Variants in RB1 observed in about 807,000 individuals in gnomAD.
RB1 encodes the protein retinoblastoma-associated protein.
In RB1, 18 loss-of-function variants were observed where a neutral mutation model predicts 135.4. That is an observed-to-expected ratio of 0.13 (90% confidence interval 0.09 to 0.20). The LOEUF (loss-of-function observed/expected upper bound fraction) is 0.20. Among genes scored for constraint, RB1 ranks in the 10% least tolerant of loss-of-function variants. The pLI, the probability that RB1 is intolerant of heterozygous loss-of-function variation, is 1.00. For synonymous variants in RB1, 365 were observed against 373.2 expected (o/e 0.98, Z 0.25); for missense variants, 868 against 1,110.0 (o/e 0.78, Z 3.10).
At chr13:48,377,081 T>C (rs1357653849) in intron 13 of RB1, 47 bp downstream of exon 13, 3 of 1,552,846 alleles carry the variant, frequency 1.9e-6, no homozygotes, top group Non-Finnish European at 2.7e-6. Context: ...GTAATAATAT[T>C]AAAAGCAGCA....
At chr13:48,385,213 G>A (rs1274415018) in intron 17 of RB1, among the ~76,000 whole-genome samples, 1 of 152,042 alleles carries the variant, frequency 6.6e-6, no homozygotes, top group Non-Finnish European at 1.5e-5. Flanking sequence ...TTCTCTCACA[G>A]CAGCCAGAGA....
intron 12 of RB1, among the ~76,000 whole-genome samples, chr13:48,376,365 G>C (rs371934342): frequency 5.3e-5 from 8 of 151,982 alleles, no homozygotes; most frequent in Non-Finnish European, 8.8e-5. Context: ...GTGAGGCGTG[G>C]TGCGCTTGCC....
chr13:48,321,573 TGGCTGGGCGC>T (rs1452006880), intron 2 of RB1, among the ~76,000 whole-genome samples: 20 of 152,054 alleles, frequency 1.3e-4, no homozygotes, highest in Admixed American at 3.9e-4. Context: ...AATGTCCGTT[TGGCTGGGCGC>T]GGTGGCTCAC....
chr13:48,423,726 A>G (rs1257653312), intron 17 of RB1, among the ~76,000 whole-genome samples: 2 of 152,222 alleles, frequency 1.3e-5, no homozygotes, highest in African/African-American at 4.8e-5. Context: ...GAGACTTAAA[A>G]CAGAAATAAA....
At chr13:48,359,873 T>TC in intron 6 of RB1, 144 bp from the exon 7 acceptor site, 1 of 1,247,712 alleles carries the variant, frequency 8.0e-7, no homozygotes, top group African/African-American at 1.5e-5. Flanking sequence ...TTTTTTTTTT[T>TC]ACAAAAAAAA....
At chr13:48,368,716 A>G (rs982001705) in intron 11 of RB1, 112 bp downstream of exon 11, 32 of 1,430,476 alleles carry the variant, frequency 2.2e-5, no homozygotes, top group Non-Finnish European at 2.8e-5. Context: ...TAAGAAATAT[A>G]TATTGAAGGC....
rs1284519047 is a variant in RB1, at chr13:48,345,211, A to T, written c.500+12A>T. On this transcript the variant is annotated intron_variant, in intron 4 of 26. Transcript: ENST00000267163. ...AGCAAATTGGAAAGGTAAAGTAAAC[A>T]TTTTATTAGGTTTACACTCTGATTT... 1 of 1,609,736 alleles carries T rather than the reference A, an allele frequency of 6.2e-7. No homozygotes were observed. Among genetic ancestry groups the T allele is most frequent in the Non-Finnish European group, 8.5e-7 (1 of 1,178,098 alleles).
In RB1 at chr13:48,317,187, A is replaced by G. The variant is rs567913747; in HGVS notation, c.264+9781A>G. ...GGACGGGCCCTGTGGAGGCAGCCCCATGTCGGGCTGAAGAGGCTGGCCTGC... is the reference window on the plus strand; with the variant it reads ...GGACGGGCCCTGTGGAGGCAGCCCCGTGTCGGGCTGAAGAGGCTGGCCTGC... On this transcript the variant is annotated intron_variant, in intron 2 of 26. Transcript: ENST00000267163. 558 of 563,128 alleles carry G rather than the reference A, an allele frequency of 9.9e-4. 6 individuals carry two copies. Among genetic ancestry groups the G allele is most frequent in the African/African-American group, 9.4e-3 (496 of 52,690 alleles). 34.9% of individuals were successfully genotyped at this position (563,128 alleles called of 1,614,324 possible).
chr13:48,337,492 G>A (rs1952395894), intron 2 of RB1, among the ~76,000 whole-genome samples: 1 of 152,122 alleles, frequency 6.6e-6, no homozygotes, highest in South Asian at 2.1e-4. Context: ...TCAGAGACTA[G>A]GATTGCAACC....
At chr13:48,355,556 A>G (rs919986992) in intron 6 of RB1, among the ~76,000 whole-genome samples, 2 of 152,122 alleles carry the variant, frequency 1.3e-5, no homozygotes, top group Non-Finnish European at 2.9e-5. Context: ...TTATCCAACA[A>G]TCCCACTGCC....
intron 21 of RB1, among the ~76,000 whole-genome samples, 157 bp downstream of exon 21, chr13:48,463,992 G>C (rs771797981): frequency 6.6e-6 from 1 of 151,818 alleles, no homozygotes; most frequent in South Asian, 2.1e-4. Flanking sequence ...TTATTTATTT[G>C]TAACTTAAAT....
chr13:48,411,805 C>A, intron 17 of RB1: 2 of 1,612,636 alleles, frequency 1.2e-6, no homozygotes, highest in South Asian at 1.1e-5. Flanking sequence ...GTTTTTAGCA[C>A]CATACTAGAA....
At chr13:48,421,790 A>T (rs1215141051) in intron 17 of RB1, among the ~76,000 whole-genome samples, 3 of 152,200 alleles carry the variant, frequency 2.0e-5, no homozygotes, top group Non-Finnish European at 4.4e-5. Context: ...GCGGTCATTA[A>T]TGAAATGCAA....
chr13:48,378,559 C>G (rs1359187657), intron 13 of RB1, among the ~76,000 whole-genome samples: 1 of 151,598 alleles, frequency 6.6e-6, no homozygotes, highest in African/African-American at 2.4e-5. Context: ...AAGGAGCTGC[C>G]TGAGGGTGTT....
At chr13:48,419,156 A>T (rs1204460861) in intron 17 of RB1, among the ~76,000 whole-genome samples, 3 of 152,230 alleles carry the variant, frequency 2.0e-5, no homozygotes, top group Non-Finnish European at 2.9e-5. Context: ...CTCCTCAACA[A>T]ATGCAAAACA....
rs564187186 is a variant in RB1 at position 48,407,977 on chromosome 13, A to G, written c.1695+26534A>G. Among the ~76,000 whole-genome samples the G allele has an allele frequency of 5.3e-5, 8 of 152,260 alleles. No homozygotes were observed. In the South Asian group the frequency reaches 1.7e-3, roughly 32 times the overall value. On this transcript the variant is annotated intron_variant, in intron 17 of 26. Coordinates refer to ENST00000267163, the MANE Select transcript of RB1 (RefSeq NM_000321.3). ...TTAATATATTGACAAAGGACAAAAT[A>G]CTTGGTTCATCAGGTGTCCAAAATT...
chr13:48,434,610 T>C (rs962995494), intron 17 of RB1, among the ~76,000 whole-genome samples: 2 of 151,958 alleles, frequency 1.3e-5, no homozygotes, highest in Admixed American at 6.6e-5. Flanking sequence ...ACCAGGCCTG[T>C]AGAGAGACAC....
rs138201027 is a variant in RB1, at chr13:48,381,294, T to C, written c.1546T>C (p.Trp516Arg). 5.0e-6 allele frequency: 8 copies of C among 1,612,480 alleles called. No homozygotes were observed. The highest frequency in any genetic ancestry group is 5.9e-6 in the Non-Finnish European group (7 of 1,179,436). Reference sequence around the variant, plus strand: ...TTCTGGAACAGATTTGTCTTTCCCATGGATTCTGAATGTGCTTAATTTAAA... The same window carrying C: ...TTCTGGAACAGATTTGTCTTTCCCACGGATTCTGAATGTGCTTAATTTAAA... Reference protein sequence around the residue: ...LDSGTDLSFPWILNVLNLKAF... With the variant: ...LDSGTDLSFPRILNVLNLKAF... The change falls in exon 17 of 27, where the codon TGG becomes CGG. Residue 516 changes from tryptophan to arginine, a missense_variant. Transcript: ENST00000267163.
intron 10 of RB1, 62 bp downstream of exon 10, chr13:48,367,665 G>A (rs1952717724): frequency 1.3e-6 from 2 of 1,550,586 alleles, no homozygotes; most frequent in Non-Finnish European, 1.8e-6. Flanking sequence ...GATATAGGTA[G>A]ATTATATAGT....
Sources: gnomAD v4.1 joint callset for allele counts (sites outside exome capture counted in the v4.1 genomes callset) on GRCh38, gnomAD v4.1.1 for gene constraint, MANE v1.5 for transcripts, NCBI Gene and HGNC (gene_info 2026-07-23, HGNC 2026-07-21) for gene names.